The following SLC41A2 variants were observed in gnomAD, a reference collection of about 807,000 sequenced individuals.
SLC41A2 encodes solute carrier family 41 member 2.
A neutral mutation model predicts 58.3 loss-of-function variants in SLC41A2; 32 were observed. The ratio of observed to expected loss-of-function variants is 0.55; its 90% CI spans 0.41 to 0.74. SLC41A2 has a LOEUF of 0.74. SLC41A2 is among the 30% of genes least tolerant of loss of function. The pLI is 0.00. For missense variants in SLC41A2, 514 were observed against 680.6 expected, an observed-to-expected ratio of 0.76 and a Z score of 2.72; for synonymous variants, 190 against 235.0, an observed-to-expected ratio of 0.81 and a Z score of 1.75.
chr12:104,874,205 C>T (rs1364491682), intron 6 of SLC41A2, among the ~76,000 whole-genome samples: 1 of 151,818 alleles, frequency 6.6e-6, no homozygotes, highest in Non-Finnish European at 1.5e-5. Flanking sequence ...TCCCGAGTAG[C>T]TGGGACTACA....
At chr12:104,805,902 A>T (rs2040876832) in intron 10 of SLC41A2, among the ~76,000 whole-genome samples, 1 of 152,208 alleles carries the variant, frequency 6.6e-6, no homozygotes, top group Non-Finnish European at 1.5e-5. Flanking sequence ...TAAAATGGAA[A>T]TATTTTAAAA....
chr12:104,878,998 C>T (rs904141916), intron 6 of SLC41A2, among the ~76,000 whole-genome samples: 34 of 152,038 alleles, frequency 2.2e-4, no homozygotes, highest in Non-Finnish European at 3.4e-4. Context: ...TTTTAATGAC[C>T]GCCATTCTAA....
At chr12:104,897,147 T>TTTTC (rs1435107572) in intron 3 of SLC41A2, among the ~76,000 whole-genome samples, 1 of 143,226 alleles carries the variant, frequency 7.0e-6, no homozygotes, top group African/African-American at 2.6e-5. Context: ...CTTTTTTCTT[T>TTTTC]TTTTTTTTTT....
chr12:104,875,836 T>A (rs1464022128), intron 6 of SLC41A2, among the ~76,000 whole-genome samples: 2 of 152,150 alleles, frequency 1.3e-5, no homozygotes, highest in Non-Finnish European at 2.9e-5. Context: ...TTTGGAAGTA[T>A]TTCCTCTAGT....
At chr12:104,835,681 G>A (rs1401512718) in intron 10 of SLC41A2, among the ~76,000 whole-genome samples, 1 of 152,152 alleles carries the variant, frequency 6.6e-6, no homozygotes, top group Non-Finnish European at 1.5e-5. Flanking sequence ...CTTGACTTCA[G>A]TAGGCATTGA....
At chr12:104,893,701 G>T (rs1364928959) in intron 4 of SLC41A2, among the ~76,000 whole-genome samples, 1 of 152,174 alleles carries the variant, frequency 6.6e-6, no homozygotes, top group Non-Finnish European at 1.5e-5. Context: ...TCTGTCATTT[G>T]TAACAACATA....
At chr12:104,943,692 T>C (rs569792893) in intron 1 of SLC41A2, among the ~76,000 whole-genome samples, 1 of 152,260 alleles carries the variant, frequency 6.6e-6, no homozygotes, top group South Asian at 2.1e-4. Flanking sequence ...CCAACAGTAC[T>C]TGGGTTTTCC....
At chr12:104,836,443 GA>G (rs2042211239) in intron 10 of SLC41A2, among the ~76,000 whole-genome samples, 1 of 152,184 alleles carries the variant, frequency 6.6e-6, no homozygotes, top group Admixed American at 6.5e-5. Flanking sequence ...GGAACTGTTA[GA>G]GATCAAAAAC....
intron 6 of SLC41A2, 21 bp from the exon 7 acceptor site, chr12:104,866,600 AAAAAGAG>A: frequency 6.5e-7 from 1 of 1,546,208 alleles, no homozygotes; most frequent in Non-Finnish European, 8.7e-7. Flanking sequence ...AAAAAAAAAA[AAAAAGAG>A]AGACAACATT....
At chr12:104,892,082 C>G (rs2045006091) in intron 4 of SLC41A2, among the ~76,000 whole-genome samples, 2 of 151,814 alleles carry the variant, frequency 1.3e-5, no homozygotes, top group African/African-American at 4.8e-5. Context: ...GGTGGATCAC[C>G]TGAGGTCAGG....
intron 1 of SLC41A2, among the ~76,000 whole-genome samples, chr12:104,941,831 A>G (rs2047522498): frequency 6.6e-6 from 1 of 152,278 alleles, no homozygotes; most frequent in Non-Finnish European, 1.5e-5. Context: ...ATACCTATGT[A>G]ACAAACTTGC....
At chr12:104,853,420 A>G (rs1245586797) in intron 8 of SLC41A2, among the ~76,000 whole-genome samples, 1 of 152,170 alleles carries the variant, frequency 6.6e-6, no homozygotes, top group Non-Finnish European at 1.5e-5. Context: ...TCCTCTCAAG[A>G]CTTACCAGAA....
intron 7 of SLC41A2, among the ~76,000 whole-genome samples, chr12:104,861,962 G>A (rs982686736): frequency 2.6e-5 from 4 of 152,122 alleles, no homozygotes; most frequent in Non-Finnish European, 4.4e-5. Flanking sequence ...CTAACATATC[G>A]TTATATGGTA....
intron 6 of SLC41A2, among the ~76,000 whole-genome samples, chr12:104,868,721 AATAG>A (rs1211085606): frequency 4.6e-5 from 7 of 152,238 alleles, no homozygotes; most frequent in African/African-American, 1.2e-4. Flanking sequence ...TCAAATGGTG[AATAG>A]ATAAACAAAA....
chr12:104,810,769 G>C (rs952803589), intron 10 of SLC41A2, among the ~76,000 whole-genome samples: 1 of 152,102 alleles, frequency 6.6e-6, no homozygotes, highest in Admixed American at 6.6e-5. Context: ...AGAGCATATG[G>C]TCCACTAATC....
At chr12:104,899,455 T>C (rs1042376612) in intron 3 of SLC41A2, among the ~76,000 whole-genome samples, 1 of 152,198 alleles carries the variant, frequency 6.6e-6, no homozygotes, top group Non-Finnish European at 1.5e-5. Flanking sequence ...TTCATTCTAA[T>C]AGGCAGTTAA....
chr12:104,880,544 A>G (rs1328542206), intron 6 of SLC41A2, among the ~76,000 whole-genome samples: 4 of 152,096 alleles, frequency 2.6e-5, no homozygotes, highest in African/African-American at 9.7e-5. Flanking sequence ...GAATTTTGTC[A>G]AAGGCCTTTT....
chr12:104,898,309 A>G (rs2045392339), intron 3 of SLC41A2, among the ~76,000 whole-genome samples: 1 of 152,180 alleles, frequency 6.6e-6, no homozygotes, highest in African/African-American at 2.4e-5. Context: ...CTTCTTCTGC[A>G]TAAACAGACG....
chr12:104,881,344 C>T (rs2044361877), intron 6 of SLC41A2, among the ~76,000 whole-genome samples: 1 of 152,164 alleles, frequency 6.6e-6, no homozygotes, highest in South Asian at 2.1e-4. Flanking sequence ...TTAGTTATAT[C>T]TTGCCTTCCG....
Sources: gnomAD v4.1 joint callset for allele counts (sites outside exome capture counted in the v4.1 genomes callset) on GRCh38, gnomAD v4.1.1 for gene constraint, MANE v1.5 for transcripts, NCBI Gene and HGNC (gene_info 2026-07-23, HGNC 2026-07-21) for gene names.